Variants in LMOD1 observed in about 807,000 individuals in gnomAD.
The protein encoded by LMOD1 is leiomodin 1.
LMOD1 carries 8 observed loss-of-function variants against 36.5 expected under a neutral mutation model. The observed-to-expected ratio is 0.22, with a 90% CI of 0.13 to 0.40. The LOEUF is 0.40. LMOD1 is among the 10% of genes least tolerant of loss of function. LMOD1 has a pLI of 1.00. For missense variants in LMOD1, 630 were observed against 751.1 expected (o/e 0.84, Z 1.88); for synonymous variants, 284 against 288.7 (o/e 0.98, Z 0.17).
intron 1 of LMOD1, among the ~76,000 whole-genome samples, chr1:201,903,763 C>G (rs1483952967): frequency 6.6e-6 from 1 of 152,170 alleles, no homozygotes; most frequent in African/African-American, 2.4e-5. Context: ...GGCAAAGACT[C>G]CTGCCCTCCC....
rs1261273275 is a variant in LMOD1, at chr1:201,901,557, T to C, written c.262-806A>G. 1.1e-4 allele frequency among the ~76,000 whole-genome samples: 4 copies of C among 36,158 alleles called. 1 individual carries two copies. Among genetic ancestry groups the C allele is most frequent in the African/African-American group, 4.9e-4 (3 of 6,162 alleles). 23.7% of individuals were successfully genotyped at this position (36,158 alleles called of 152,430 possible). ...ATATATATATATATATATATACATATATATATGTATATATATATATATATA... is the reference window on the plus strand; with the variant it reads ...ATATATATATATATATATATACATACATATATGTATATATATATATATATA... On this transcript the variant is annotated intron_variant, in intron 1 of 2. Coordinates refer to ENST00000367288, the MANE Select transcript of LMOD1 (RefSeq NM_012134.3).
In LMOD1 at chr1:201,899,094, C is replaced by G. The variant is rs1323721800; in HGVS notation, c.1776+143G>C. ...CAGGCAGGAGGATGCATGAGATGAC[C>G]TGAAGTCCCCTATGGGCCCTGGGAG... On this transcript the variant is annotated intron_variant, in intron 2 of 2. Transcript: ENST00000367288. This position sits in a 1 kb window ranked among gnomAD's most constrained non-coding sequence, Gnocchi z 6.3. 1.1e-5 allele frequency: 8 copies of G among 706,972 alleles called. No homozygotes were observed. Among genetic ancestry groups the G allele is most frequent in the East Asian group, 8.2e-5 (3 of 36,458 alleles). The allele number at this position is 706,972 out of a possible 1,614,324, so 43.8% of individuals were successfully genotyped here. A position where few individuals can be genotyped will look rare whatever the true frequency, so the allele number is the denominator to read the frequency against.
Position 201,899,179 on chromosome 1 carries a change from C to T in LMOD1, c.1776+58G>A. On this transcript the variant is annotated intron_variant, in intron 2 of 2. Coordinates refer to ENST00000367288, the MANE Select transcript of LMOD1 (RefSeq NM_012134.3). The surrounding 1 kb of genome is among the most constrained non-coding windows in gnomAD (Gnocchi z 6.3). Reference sequence around the variant, plus strand: ...CATGCCTTCCCTTTTGCAGTCCTACCCTCTCCTCCAGGCCCTACCCAGCCC... The same window carrying T: ...CATGCCTTCCCTTTTGCAGTCCTACTCTCTCCTCCAGGCCCTACCCAGCCC... The T allele has an allele frequency of 2.0e-6, 3 of 1,463,616 alleles. No homozygotes were observed. The highest frequency in any genetic ancestry group is 2.8e-6 in the Non-Finnish European group (3 of 1,090,512). 90.7% of individuals were successfully genotyped at this position (1,463,616 alleles called of 1,614,324 possible).
At chr1:201,943,553 G>A (rs1571595763) in intron 1 of LMOD1, among the ~76,000 whole-genome samples, 1 of 152,324 alleles carries the variant, frequency 6.6e-6, no homozygotes, top group East Asian at 1.9e-4. Context: ...GCACCCAGGG[G>A]TTGCTTGTTT....
chr1:201,929,385 G>T (rs1681881979), intron 1 of LMOD1, among the ~76,000 whole-genome samples: 2 of 152,082 alleles, frequency 1.3e-5, no homozygotes, highest in South Asian at 4.1e-4. Flanking sequence ...CCTGGCAAGT[G>T]GAATTAATAT....
rs147223046 is a variant in LMOD1 at position 201,933,515 on chromosome 1, TTCTCTC to T, written c.261+12559_261+12564del. On this transcript the variant is annotated intron_variant, in intron 1 of 2. Transcript: ENST00000367288. Reference sequence around the variant, plus strand: ...CAAAAAATACACACTCCATGAGCCTTTCTCTCTCTCTCTCTCTATATATATAATACA... The same window carrying T: ...CAAAAAATACACACTCCATGAGCCTTTCTCTCTCTCTATATATATAATACA... Among the ~76,000 whole-genome samples, 870 of 143,264 alleles carry T rather than the reference TTCTCTC, an allele frequency of 6.1e-3. 6 individuals are homozygous for T. Among genetic ancestry groups the T allele is most frequent in the African/African-American group, 0.015 (579 of 39,322 alleles). The allele number at this position is 143,264 out of a possible 152,430, so 94.0% of individuals were successfully genotyped here. A position where few individuals can be genotyped will look rare whatever the true frequency, so the allele number is the denominator to read the frequency against.
rs147026308 is a variant in LMOD1 at position 201,915,832 on chromosome 1, G to A, written c.262-15081C>T. Among the ~76,000 whole-genome samples, 21 of 152,132 alleles carry A rather than the reference G, an allele frequency of 1.4e-4. No individual in the cohort carries two copies. In the East Asian group the frequency reaches 3.5e-3, roughly 25 times the overall value. On this transcript the variant is annotated intron_variant, in intron 1 of 2. Coordinates refer to ENST00000367288, the MANE Select transcript of LMOD1 (RefSeq NM_012134.3). ...ATAGCAACAACCTCCTCTCGGTTTC[G>A]CTGACCTCCTCCAGGGCGATCCTTG...
intron 1 of LMOD1, among the ~76,000 whole-genome samples, chr1:201,914,315 TG>T (rs1289761518): frequency 6.6e-6 from 1 of 152,178 alleles, no homozygotes; most frequent in Non-Finnish European, 1.5e-5. Context: ...GCGCCAATGC[TG>T]AGGACCAGCT....
At position 201,896,981 on chromosome 1, in the gene LMOD1, C is replaced by G. The variant is rs747295807; in HGVS notation, c.*1391G>C. ...AGAGAAACCTACAAGTGACACAGAC[C>G]CAAGGTGGCAGTTCCACAGTGCCAA... On this transcript the variant is annotated 3_prime_UTR_variant, in exon 3 of 3. Coordinates refer to ENST00000367288, the MANE Select transcript of LMOD1 (RefSeq NM_012134.3). The G allele has an allele frequency of 2.9e-6, 1 of 340,460 alleles. No individual in the cohort carries two copies. The highest frequency in any genetic ancestry group is 7.6e-5 in the East Asian group (1 of 13,104). 21.1% of individuals were successfully genotyped at this position (340,460 alleles called of 1,614,324 possible).
At chr1:201,937,482 C>A in intron 1 of LMOD1, among the ~76,000 whole-genome samples, 1 of 150,942 alleles carries the variant, frequency 6.6e-6, no homozygotes, top group East Asian at 2.0e-4. Flanking sequence ...AACAAAAAAA[C>A]AAAAAACACA....
At chr1:201,902,868 G>T (rs1480928412) in intron 1 of LMOD1, among the ~76,000 whole-genome samples, 1 of 152,174 alleles carries the variant, frequency 6.6e-6, no homozygotes, top group African/African-American at 2.4e-5. Flanking sequence ...GTCTTCATCA[G>T]AGAAGCAGAG....
intron 1 of LMOD1, among the ~76,000 whole-genome samples, chr1:201,901,029 G>A (rs1681291000): frequency 6.6e-6 from 1 of 152,150 alleles, no homozygotes; most frequent in South Asian, 2.1e-4. Flanking sequence ...CTTTTATGGA[G>A]TATTCTCAGA....
At chr1:201,930,503 G>A (rs904791154) in intron 1 of LMOD1, among the ~76,000 whole-genome samples, 1 of 152,162 alleles carries the variant, frequency 6.6e-6, no homozygotes, top group Non-Finnish European at 1.5e-5. Flanking sequence ...TGATTAAATG[G>A]TACTTCTATT....
chr1:201,919,719 G>A (rs982893392), intron 1 of LMOD1, among the ~76,000 whole-genome samples: 5 of 152,116 alleles, frequency 3.3e-5, no homozygotes, highest in African/African-American at 1.2e-4. Context: ...CTAAATCCTG[G>A]TTCTGCTGTT....
chr1:201,933,896 C>T (rs764197853), intron 1 of LMOD1, among the ~76,000 whole-genome samples: 6 of 151,970 alleles, frequency 3.9e-5, no homozygotes, highest in Non-Finnish European at 7.4e-5. Flanking sequence ...ATATTAAATG[C>T]TTGTCTGAGA....
chr1:201,913,821 G>C (rs540910692), intron 1 of LMOD1, among the ~76,000 whole-genome samples: 11 of 152,116 alleles, frequency 7.2e-5, no homozygotes, highest in Non-Finnish European at 1.6e-4. Context: ...AGGCTGAATA[G>C]TATTCCATTG....
chr1:201,941,743 G>T (rs906298100), intron 1 of LMOD1, among the ~76,000 whole-genome samples: 1 of 152,214 alleles, frequency 6.6e-6, no homozygotes, highest in Admixed American at 6.5e-5. Context: ...GAGGGCTCAG[G>T]CCCAGCAGCC....
At chr1:201,938,952 T>G (rs1327140220) in intron 1 of LMOD1, among the ~76,000 whole-genome samples, 1 of 152,024 alleles carries the variant, frequency 6.6e-6, no homozygotes, top group Non-Finnish European at 1.5e-5. Context: ...CTCCTTTCAC[T>G]CTGTCTTTTT....
At chr1:201,920,045 CTTTTT>C (rs576044641) in intron 1 of LMOD1, among the ~76,000 whole-genome samples, 3 of 52,532 alleles carry the variant, frequency 5.7e-5, no homozygotes, top group East Asian at 3.6e-4. Context: ...GGCTCTCTCT[CTTTTT>C]TTTTTTTTTT....
Sources: allele counts gnomAD v4.1 joint callset (sites outside exome capture counted in the v4.1 genomes callset), GRCh38; gene constraint gnomAD v4.1.1; non-coding constraint Gnocchi (gnomAD v3.1); transcripts MANE v1.5; gene names NCBI Gene and HGNC (gene_info 2026-07-23, HGNC 2026-07-21).